EPS15: variants seen among roughly 807,000 people sequenced by gnomAD.
EPS15 encodes epidermal growth factor receptor pathway substrate 15.
In EPS15, 72 loss-of-function variants were observed where a neutral mutation model predicts 113.8. The observed-to-expected ratio is 0.63, with a 90% confidence interval of 0.52 to 0.77. The LOEUF (loss-of-function observed/expected upper bound fraction) is 0.77, where lower values mean the gene tolerates loss of function less well. EPS15 is among the 30% of genes least tolerant of loss of function. The pLI is 0.00. For synonymous variants in EPS15, 344 were observed against 363.4 expected, an observed-to-expected ratio of 0.95 and a Z score of 0.61; for missense variants, 1,048 against 1,045.8, an observed-to-expected ratio of 1.00 and a Z score of -0.03.
At chr1:51,406,641 A>T (rs1327498636) in intron 15 of EPS15, among the ~76,000 whole-genome samples, 1 of 151,778 alleles carries the variant, frequency 6.6e-6, no homozygotes, top group Admixed American at 6.6e-5. Flanking sequence ...TTTTTTTTTT[A>T]AAGAGATTCA....
intron 13 of EPS15, among the ~76,000 whole-genome samples, chr1:51,409,925 T>C (rs1570240016): frequency 6.6e-6 from 1 of 152,032 alleles, no homozygotes; most frequent in African/African-American, 2.4e-5. Context: ...GGACATGTGA[T>C]GGGCTTTGCT....
intron 21 of EPS15, among the ~76,000 whole-genome samples, chr1:51,386,004 G>A (rs1317582326): frequency 6.6e-6 from 1 of 152,096 alleles, no homozygotes; most frequent in East Asian, 1.9e-4. Context: ...CTCGTGAACT[G>A]TACATTTAAA....
intron 10 of EPS15, among the ~76,000 whole-genome samples, chr1:51,446,357 C>G (rs557403288): frequency 1.3e-5 from 2 of 151,822 alleles, no homozygotes; most frequent in African/African-American, 2.4e-5. Context: ...GTTTAAATTT[C>G]AGATATCTGG....
chr1:51,374,479 C>T (rs1289685107), intron 21 of EPS15, among the ~76,000 whole-genome samples: 1 of 152,038 alleles, frequency 6.6e-6, no homozygotes, highest in African/African-American at 2.4e-5. Flanking sequence ...TGGCGGATGC[C>T]TGTAATCTCA....
At chr1:51,478,680 G>T (rs1643962419) in intron 2 of EPS15, among the ~76,000 whole-genome samples, 1 of 151,440 alleles carries the variant, frequency 6.6e-6, no homozygotes, top group Non-Finnish European at 1.5e-5. Context: ...GCATTTGCTT[G>T]TCTGTAAAGT....
intron 20 of EPS15, among the ~76,000 whole-genome samples, chr1:51,395,347 T>C (rs1647821816): frequency 6.6e-6 from 1 of 152,200 alleles, no homozygotes; most frequent in Non-Finnish European, 1.5e-5. Flanking sequence ...TCCATTAATG[T>C]CCTTTTTCGA....
chr1:51,391,145 T>A (rs1647313090), intron 21 of EPS15, among the ~76,000 whole-genome samples: 1 of 152,190 alleles, frequency 6.6e-6, no homozygotes, highest in Non-Finnish European at 1.5e-5. Flanking sequence ...TAAAAAATGA[T>A]GAGTTCATGT....
At chr1:51,508,205 A>AAAGAAAAGAC (rs1644533273) in intron 1 of EPS15, among the ~76,000 whole-genome samples, 1 of 101,130 alleles carries the variant, frequency 9.9e-6, no homozygotes, top group Non-Finnish European at 2.3e-5. Context: ...AAAGAAAAGA[A>AAAGAAAAGAC]AAGAAAAGAA....
At chr1:51,444,795 T>G (rs1231776946) in intron 11 of EPS15, 94 bp downstream of exon 11, 1 of 1,246,988 alleles carries the variant, frequency 8.0e-7, no homozygotes, top group East Asian at 2.3e-5. Context: ...CAGATACATT[T>G]TCTCTTCTAT....
At chr1:51,393,981 T>C (rs1312847879) in intron 21 of EPS15, among the ~76,000 whole-genome samples, 1 of 152,242 alleles carries the variant, frequency 6.6e-6, no homozygotes, top group African/African-American at 2.4e-5. Flanking sequence ...AGCTTTTCTC[T>C]GTATTATTAA....
intron 19 of EPS15, 70 bp from the exon 20 acceptor site, chr1:51,399,235 G>T (rs1185804562): frequency 1.4e-6 from 2 of 1,433,398 alleles, no homozygotes; most frequent in Non-Finnish European, 1.9e-6. Context: ...TCACTTGAAG[G>T]TATGATCAGT....
Position 51,384,771 on chromosome 1 carries a change from A to C in EPS15, c.2119+9610T>G, listed in dbSNP as rs77855683. On this transcript the variant is annotated intron_variant, in intron 21 of 24. Coordinates refer to ENST00000371733, the MANE Select transcript of EPS15 (RefSeq NM_001981.3). ...ACCATATAGATCAATGGAACAGAAT[A>C]CAGAATCCAGAAATAAACCCTCACA... Among the ~76,000 whole-genome samples, 1,494 of 152,372 alleles carry C rather than the reference A, an allele frequency of 9.8e-3. 15 individuals are homozygous for C. The highest frequency in any genetic ancestry group is 0.034 in the African/African-American group (1,417 of 41,590).
intron 8 of EPS15, among the ~76,000 whole-genome samples, chr1:51,454,590 T>C (rs1004560662): frequency 1.1e-4 from 17 of 152,090 alleles, no homozygotes; most frequent in South Asian, 6.2e-4. Flanking sequence ...CAAACCTAAG[T>C]TGGGAGACAT....
chr1:51,508,986 A>G (rs974331840), intron 1 of EPS15, among the ~76,000 whole-genome samples: 1 of 152,152 alleles, frequency 6.6e-6, no homozygotes, highest in Non-Finnish European at 1.5e-5. Flanking sequence ...ATTACCACCA[A>G]AAGTTTCATC....
intron 2 of EPS15, among the ~76,000 whole-genome samples, chr1:51,473,377 A>G (rs974130282): frequency 6.6e-6 from 1 of 152,208 alleles, no homozygotes; most frequent in African/African-American, 2.4e-5. Context: ...TCAATCATCA[A>G]CTTTCACTTT....
chr1:51,426,837 C>CTCTCTCTATATA (rs377211027), intron 12 of EPS15, among the ~76,000 whole-genome samples: 21 of 143,648 alleles, frequency 1.5e-4, no homozygotes, highest in Non-Finnish European at 2.4e-4. Flanking sequence ...CTCTCTCTCT[C>CTCTCTCTATATA]TATATATATA....
chr1:51,392,879 T>C (rs946375963), intron 21 of EPS15, among the ~76,000 whole-genome samples: 2 of 152,258 alleles, frequency 1.3e-5, no homozygotes, highest in Non-Finnish European at 2.9e-5. Flanking sequence ...CCTTTCATTT[T>C]ATTCTCTTAG....
At chr1:51,491,470 C>T (rs1374879531) in intron 1 of EPS15, among the ~76,000 whole-genome samples, 3 of 152,082 alleles carry the variant, frequency 2.0e-5, no homozygotes, top group Non-Finnish European at 4.4e-5. Flanking sequence ...CATTTAGAAG[C>T]TTTTGATAGG....
intron 1 of EPS15, among the ~76,000 whole-genome samples, chr1:51,508,266 G>GAGAGAAAGAGAGAA (rs773652349): frequency 7.8e-6 from 1 of 129,024 alleles, no homozygotes; most frequent in Non-Finnish European, 1.6e-5. Context: ...GAGAGAGAGA[G>GAGAGAAAGAGAGAA]AGAGAGAAAG....
Sources: allele counts gnomAD v4.1 joint callset (sites outside exome capture counted in the v4.1 genomes callset), GRCh38; gene constraint gnomAD v4.1.1; transcripts MANE v1.5; gene names NCBI Gene and HGNC (gene_info 2026-07-23, HGNC 2026-07-21).